RARB: variants seen among roughly 807,000 people sequenced by gnomAD.
RARB encodes retinoic acid receptor beta.
In RARB, 17 loss-of-function variants were observed where a neutral mutation model predicts 51.9. That is an observed-to-expected ratio of 0.33 (90% CI 0.22 to 0.49). The LOEUF (loss-of-function observed/expected upper bound fraction) is 0.49, where lower values mean the gene tolerates loss of function less well. RARB is among the 20% of genes least tolerant of loss of function. The probability of loss-of-function intolerance (pLI) is 0.99; values close to 1 mark genes in which losing one functional copy is unlikely to be tolerated. For synonymous variants in RARB, 215 were observed against 195.4 expected, an observed-to-expected ratio of 1.10 and a Z score of -0.84; for missense variants, 369 against 550.8, an observed-to-expected ratio of 0.67 and a Z score of 3.30.
chr3:25,424,669 G>T (rs1707942277), upstream of RARB, among the ~76,000 whole-genome samples: 1 of 150,968 alleles, frequency 6.6e-6, no homozygotes. Context: ...TTGCATGTCT[G>T]CCCCTGTGGT....
chr3:25,536,827 A>G (rs1699161732), intron 3 of RARB, among the ~76,000 whole-genome samples: 1 of 152,210 alleles, frequency 6.6e-6, no homozygotes, highest in Admixed American at 6.5e-5. Context: ...TGGGAGTTTT[A>G]TGAAAGTCAC....
At chr3:25,495,427 CT>C (rs1355135899) in intron 2 of RARB, among the ~76,000 whole-genome samples, 1 of 152,088 alleles carries the variant, frequency 6.6e-6, no homozygotes, top group African/African-American at 2.4e-5. Flanking sequence ...GTTATCTTGC[CT>C]TTTGATTTTT....
intron 2 of RARB, among the ~76,000 whole-genome samples, chr3:24,904,810 C>T (rs1694818998): frequency 6.6e-6 from 1 of 152,210 alleles, no homozygotes; most frequent in Non-Finnish European, 1.5e-5. Context: ...GGCACATATA[C>T]ACCATGGAAT....
At chr3:25,259,831 C>T (rs191625924) in intron 5 of RARB, 28 of 842,610 alleles carry the variant, frequency 3.3e-5, no homozygotes, top group African/African-American at 2.0e-4. Flanking sequence ...AAAGTCAGAG[C>T]TCTTGGTATC....
intron 2 of RARB, among the ~76,000 whole-genome samples, chr3:24,928,960 T>C (rs1250192173): frequency 6.6e-6 from 1 of 152,048 alleles, no homozygotes; most frequent in African/African-American, 2.4e-5. Context: ...GAGAATATTC[T>C]CACTCAGAGA....
At chr3:25,559,731 T>C (rs1700197434) in intron 3 of RARB, among the ~76,000 whole-genome samples, 2 of 152,012 alleles carry the variant, frequency 1.3e-5, no homozygotes, top group African/African-American at 4.8e-5. Context: ...TGGACAGAGA[T>C]AGATAGACAG....
intron 5 of RARB, among the ~76,000 whole-genome samples, chr3:25,228,062 C>G (rs1008083114): frequency 6.6e-6 from 1 of 152,000 alleles, no homozygotes; most frequent in Admixed American, 6.6e-5. Flanking sequence ...TCTCAATACT[C>G]TCACATTTCT....
intron 2 of RARB, among the ~76,000 whole-genome samples, chr3:24,899,746 C>A (rs139141126): frequency 6.6e-6 from 1 of 152,254 alleles, no homozygotes; most frequent in Admixed American, 6.5e-5. Flanking sequence ...AATCTCAACT[C>A]CCTCCTTAAA....
chr3:25,317,318 G>C (rs891770028), intron 5 of RARB, among the ~76,000 whole-genome samples: 1 of 151,882 alleles, frequency 6.6e-6, no homozygotes, highest in Non-Finnish European at 1.5e-5. Context: ...AGGAAGCGAA[G>C]GTAGGTTAAT....
Position 25,373,733 on chromosome 3 carries a change from C to T in RARB, c.179-87460C>T, listed in dbSNP as rs551217181. Among the ~76,000 whole-genome samples, 5 of 152,294 alleles carry T rather than the reference C, an allele frequency of 3.3e-5. No individual in the cohort carries two copies. The South Asian group carries it at 1.0e-3, about 32-fold the overall frequency. On this transcript the variant is annotated intron_variant, in intron 5 of 11. Transcript: ENST00000383772. ...TACTACCATGGCGGGGAATGGACCA[C>T]AGAACCTCTCACACTCCCTTCTAAC... is the stretch of plus-strand genomic sequence containing the variant.
At chr3:25,220,226 G>A (rs1238750504) in intron 5 of RARB, among the ~76,000 whole-genome samples, 1 of 152,142 alleles carries the variant, frequency 6.6e-6, no homozygotes, top group East Asian at 1.9e-4. Flanking sequence ...GTATGGTTCA[G>A]CAGACAACAA....
chr3:24,868,266 TTAATG>T (rs1218480733), intron 2 of RARB, among the ~76,000 whole-genome samples: 4 of 152,136 alleles, frequency 2.6e-5, no homozygotes, highest in Admixed American at 6.6e-5. Flanking sequence ...ATCAAAATAA[TTAATG>T]TAATACACAA....
chr3:25,066,064 G>C (rs1346176368), intron 3 of RARB, among the ~76,000 whole-genome samples: 2 of 152,132 alleles, frequency 1.3e-5, no homozygotes, highest in African/African-American at 2.4e-5. Flanking sequence ...ATAAACAGGT[G>C]TTTTTTTCTG....
At chr3:25,207,594 A>C (rs748289853) in intron 5 of RARB, among the ~76,000 whole-genome samples, 1 of 152,214 alleles carries the variant, frequency 6.6e-6, no homozygotes, top group Non-Finnish European at 1.5e-5. Flanking sequence ...CATTTTTTCT[A>C]TACTAAATGT....
At chr3:24,890,976 C>T (rs1040548938) in intron 2 of RARB, among the ~76,000 whole-genome samples, 1 of 152,130 alleles carries the variant, frequency 6.6e-6, no homozygotes, top group African/African-American at 2.4e-5. Flanking sequence ...GATAGACACC[C>T]ATTAGCAGCC....
intron 2 of RARB, among the ~76,000 whole-genome samples, chr3:24,862,136 G>A (rs1036258425): frequency 2.6e-5 from 4 of 152,150 alleles, no homozygotes; most frequent in African/African-American, 9.7e-5. Context: ...ACACGGTATG[G>A]CTGGAAATAG....
intron 3 of RARB, among the ~76,000 whole-genome samples, chr3:25,122,851 C>G (rs1176098621): frequency 6.6e-6 from 1 of 152,118 alleles, no homozygotes; most frequent in South Asian, 2.1e-4. Context: ...ACCCAAAATG[C>G]CCCAAACGGT....
chr3:25,026,382 C>T (rs983584808), intron 2 of RARB, among the ~76,000 whole-genome samples: 2 of 152,178 alleles, frequency 1.3e-5, no homozygotes, highest in African/African-American at 4.8e-5. Context: ...GGGCTACAAG[C>T]CCAAGATCAA....
intron 5 of RARB, among the ~76,000 whole-genome samples, chr3:25,227,779 T>C (rs976475707): frequency 1.3e-5 from 2 of 152,168 alleles, no homozygotes; most frequent in Non-Finnish European, 2.9e-5. Flanking sequence ...CTTCATTTCA[T>C]AGATTCTCTT....
Sources: gnomAD v4.1 joint callset for allele counts (sites outside exome capture counted in the v4.1 genomes callset) on GRCh38, gnomAD v4.1.1 for gene constraint, MANE v1.5 for transcripts, NCBI Gene and HGNC (gene_info 2026-07-23, HGNC 2026-07-21) for gene names.